BTBD2: variants seen among roughly 807,000 people sequenced by gnomAD.
BTBD2 encodes BTB domain containing 2.
BTBD2 carries 15 observed loss-of-function variants against 44.0 expected under a neutral mutation model. The ratio of observed to expected loss-of-function variants is 0.34; its 90% CI spans 0.23 to 0.53. The LOEUF is 0.53. BTBD2 is among the 20% of genes least tolerant of loss of function. The probability of loss-of-function intolerance (pLI) is 0.95; values close to 1 mark genes in which losing one functional copy is unlikely to be tolerated. For missense variants in BTBD2, 657 were observed against 746.4 expected, an observed-to-expected ratio of 0.88 and a Z score of 1.39; for synonymous variants, 443 against 335.9, an observed-to-expected ratio of 1.32 and a Z score of -3.49.
intron 1 of BTBD2, among the ~76,000 whole-genome samples, chr19:2,013,315 C>G (rs1210514748): frequency 6.6e-6 from 1 of 151,324 alleles, no homozygotes; most frequent in Non-Finnish European, 1.5e-5. Context: ...TGGAGGGAAC[C>G]TGGGGCCTGG....
At chr19:1,999,832 G>GC (rs2016304036) in intron 1 of BTBD2, among the ~76,000 whole-genome samples, 1 of 150,372 alleles carries the variant, frequency 6.7e-6, no homozygotes, top group Non-Finnish European at 1.5e-5. Context: ...CGTGGTGGTG[G>GC]GTGCCTGTAA....
rs760930391 is a variant in BTBD2 at position 1,997,402 on chromosome 19, T to A, written c.469A>T (p.Thr157Ser). The change falls in exon 2 of 9, where the codon ACA becomes TCA. Residue 157 changes from threonine (T) to serine (S), a missense_variant. Thr to Ser is a moderately conservative substitution (Grantham distance 58). This residue lies in a region of BTBD2 where 17 missense variants were observed against 47.0 expected (regional missense o/e 0.36). Transcript: ENST00000255608. ...TCGGGCAGCTCAATCTCCGTGGATG[T>A]TGTGGCCATTCCCCCGTTGAACATG... ...DAMFNGGMAT[T>S]STEIELPDVE... 6.2e-7 allele frequency: 1 copy of A among 1,614,024 alleles called. No homozygotes were observed. The highest frequency in any genetic ancestry group is 1.3e-5 in the African/African-American group (1 of 74,910).
rs199725672 is a variant in BTBD2, at chr19:1,986,602, G to A, written c.1464C>T (p.His488=). 21 of 1,613,970 alleles carry A rather than the reference G, an allele frequency of 1.3e-5. No homozygotes were observed. Among genetic ancestry groups the A allele is most frequent in the East Asian group, 6.7e-5 (3 of 44,884 alleles). The change falls in exon 9 of 9, where the codon CAC becomes CAT. Residue 488 remains histidine (H), a synonymous_variant. Coordinates refer to ENST00000255608, the MANE Select transcript of BTBD2 (RefSeq NM_017797.4). ...YGTKGLRKVT[H]ESPTTGAKTC... ...TCTTGGCGCCCGTGGTGGGCGACTC[G>A]TGTGTCACCTTGCGCAGGCCTTTGG...
chr19:1,999,982 A>G (rs555700363), intron 1 of BTBD2, among the ~76,000 whole-genome samples: 146 of 151,954 alleles, frequency 9.6e-4, no homozygotes, highest in African/African-American at 3.3e-3. Context: ...AAAAAAAAAA[A>G]AAAGAAAAAG....
chr19:1,992,963 C>G, intron 3 of BTBD2, 57 bp downstream of exon 3: 4 of 972,684 alleles, frequency 4.1e-6, no homozygotes, highest in African/African-American at 1.7e-5. Flanking sequence ...CGCCCCACCC[C>G]GGCCCCGCCT....
At position 1,987,150 on chromosome 19, in the gene BTBD2, G is replaced by A; in HGVS notation, c.1269+16C>T. The A allele has an allele frequency of 1.2e-6, 2 of 1,612,822 alleles. No individual in the cohort carries two copies. Among genetic ancestry groups the A allele is most frequent in the Middle Eastern group, 1.7e-4 (1 of 6,052 alleles). ...GGGCCTGAGTGGGGCCTGGGGATGA[G>A]GCTTGGGGCTGGTACCTGGATGTTC... is the stretch of plus-strand genomic sequence containing the variant. On this transcript the variant is annotated intron_variant, in intron 7 of 8. Coordinates refer to ENST00000255608, the MANE Select transcript of BTBD2 (RefSeq NM_017797.4).
intron 1 of BTBD2, among the ~76,000 whole-genome samples, chr19:2,012,623 C>T (rs921038726): frequency 2.0e-5 from 3 of 152,302 alleles, no homozygotes; most frequent in South Asian, 2.1e-4. Context: ...TGGGGGTCCA[C>T]GCCCCTAACC....
intron 1 of BTBD2, among the ~76,000 whole-genome samples, chr19:1,997,717 C>G (rs2016269989): frequency 6.6e-6 from 1 of 152,240 alleles, no homozygotes; most frequent in Non-Finnish European, 1.5e-5. Flanking sequence ...CACGCTCTGC[C>G]AGCCCTCACC....
At chr19:2,009,688 A>T (rs920240327) in intron 1 of BTBD2, among the ~76,000 whole-genome samples, 1 of 151,012 alleles carries the variant, frequency 6.6e-6, no homozygotes, top group African/African-American at 2.4e-5. Flanking sequence ...TGTCTCTACT[A>T]AAAATACAAA....
intron 1 of BTBD2, among the ~76,000 whole-genome samples, chr19:2,005,102 G>C (rs768756100): frequency 2.0e-5 from 3 of 152,038 alleles, no homozygotes; most frequent in African/African-American, 2.4e-5. Flanking sequence ...TTACAGGCGT[G>C]AGCCACTGCG....
rs1259637010 is a variant in BTBD2, at chr19:1,993,152, C to G, written c.552G>C (p.Gln184His). The G allele has an allele frequency of 6.2e-7, 1 of 1,604,674 alleles. No homozygotes were observed. Among genetic ancestry groups the G allele is most frequent in the Non-Finnish European group, 8.5e-7 (1 of 1,179,536 alleles). Residue 184 changes from glutamine (Q) to histidine (H), a missense_variant, in exon 3 of 9, where the codon CAG (glutamine) becomes CAC (histidine). Physicochemically the swap from Gln to His is conservative, Grantham distance 24. Coordinates refer to ENST00000255608, the MANE Select transcript of BTBD2 (RefSeq NM_017797.4). ...TGGTCATCACCGTCTCCGGGCCAATCTGCACCTCGTCCGAGTAGAGAAACC... is the reference window on the plus strand; with the variant it reads ...TGGTCATCACCGTCTCCGGGCCAATGTGCACCTCGTCCGAGTAGAGAAACC... ...LLKFLYSDEV[Q>H]IGPETVMTTL... is the part of the protein sequence containing the mutation.
chr19:2,007,967 T>A (rs559286650), intron 1 of BTBD2, among the ~76,000 whole-genome samples: 4 of 152,242 alleles, frequency 2.6e-5, no homozygotes, highest in African/African-American at 9.6e-5. Context: ...GGGTGACTGA[T>A]TCTAGAAGAG....
At chr19:2,008,358 C>A (rs1414522775) in intron 1 of BTBD2, among the ~76,000 whole-genome samples, 2 of 147,940 alleles carry the variant, frequency 1.4e-5, no homozygotes. Context: ...GGAGCCCAGT[C>A]GTGCGATCTC....
At chr19:1,988,458 T>G (rs2016125034) in intron 5 of BTBD2, 1 of 152,326 alleles carries the variant, frequency 6.6e-6, no homozygotes, top group Non-Finnish European at 1.5e-5. Flanking sequence ...ATCGCTCAGC[T>G]GCAAGCCAGC....
intron 1 of BTBD2, among the ~76,000 whole-genome samples, chr19:2,010,584 T>C (rs972064302): frequency 6.6e-6 from 1 of 151,248 alleles, no homozygotes; most frequent in Admixed American, 6.6e-5. Flanking sequence ...CCCTCTCTGC[T>C]CATCGGTGAA....
At chr19:1,999,080 C>T (rs1056733063) in intron 1 of BTBD2, among the ~76,000 whole-genome samples, 3 of 152,114 alleles carry the variant, frequency 2.0e-5, no homozygotes, top group South Asian at 2.1e-4. Flanking sequence ...ACACAGCTCC[C>T]GGGAAAGCCC....
chr19:1,994,501 C>T lies in BTBD2; in HGVS notation c.528-1325G>A, dbSNP rs143995563. On this transcript the variant is annotated intron_variant, in intron 2 of 8. Coordinates refer to ENST00000255608, the MANE Select transcript of BTBD2 (RefSeq NM_017797.4). ...TTCAGCTGGGCACAGTGGCTCAGGCCTGTAATCCCAGCACTTTGGGAGGCT... is the reference window on the plus strand; with the variant it reads ...TTCAGCTGGGCACAGTGGCTCAGGCTTGTAATCCCAGCACTTTGGGAGGCT... Among the ~76,000 whole-genome samples, 41 of 152,084 alleles carry T rather than the reference C, an allele frequency of 2.7e-4. No homozygotes were observed. In the East Asian group the frequency reaches 7.9e-3, roughly 29 times the overall value.
At chr19:1,992,659 C>T (rs758060279) in intron 3 of BTBD2, among the ~76,000 whole-genome samples, 9 of 152,080 alleles carry the variant, frequency 5.9e-5, no homozygotes, top group Non-Finnish European at 8.8e-5. Context: ...GCAACCTCCA[C>T]CTCCCAGGTT....
chr19:1,986,781 G>C, intron 8 of BTBD2, 49 bp downstream of exon 8: 1 of 1,574,332 alleles, frequency 6.4e-7, no homozygotes, highest in Non-Finnish European at 8.6e-7. Context: ...GGTGGCTTCA[G>C]GATGGGCCAG....
Sources: allele counts gnomAD v4.1 joint callset (sites outside exome capture counted in the v4.1 genomes callset), GRCh38; gene constraint gnomAD v4.1.1; regional missense constraint gnomAD v4.1.1; transcripts MANE v1.5; gene names NCBI Gene and HGNC (gene_info 2026-07-23, HGNC 2026-07-21).